The following SCAND3 variants were observed in gnomAD, a reference collection of about 807,000 sequenced individuals.
The protein encoded by SCAND3 is SCAN domain-containing protein 3.
At chr6:28,600,688 T>C in the SCAND3 span, among the ~76,000 whole-genome samples, 1 of 152,088 alleles carries the variant, frequency 6.6e-6, no homozygotes. Context: ...AGAAATAATA[T>C]ATGAACTTAC....
chr6:28,614,215 C>T, the SCAND3 span, among the ~76,000 whole-genome samples: 2 of 152,112 alleles, frequency 1.3e-5, no homozygotes, highest in Admixed American at 6.5e-5. Flanking sequence ...CCACCCGCCT[C>T]GGCCTCCCAA....
chr6:28,583,025 G>A, the SCAND3 span, among the ~76,000 whole-genome samples: 45 of 152,236 alleles, frequency 3.0e-4, no homozygotes, highest in East Asian at 6.8e-3. Flanking sequence ...TTTTACCTTA[G>A]AAAGGTGATG....
chr6:28,604,214 A>G, the SCAND3 span, among the ~76,000 whole-genome samples: 1 of 152,164 alleles, frequency 6.6e-6, no homozygotes, highest in African/African-American at 2.4e-5. Flanking sequence ...CTTGCTTCAC[A>G]TGTTCCATGT....
chr6:28,598,762 A>G, the SCAND3 span, among the ~76,000 whole-genome samples: 1 of 150,686 alleles, frequency 6.6e-6, no homozygotes, highest in Admixed American at 6.6e-5. Context: ...TTGTAATCCC[A>G]GCTACTCATG....
the SCAND3 span, among the ~76,000 whole-genome samples, chr6:28,613,996 T>C: frequency 6.6e-6 from 1 of 151,760 alleles, no homozygotes; most frequent in African/African-American, 2.4e-5. Context: ...GGAGTTTCGC[T>C]CTTGTTGCCC....
At chr6:28,612,998 T>C in the SCAND3 span, among the ~76,000 whole-genome samples, 1 of 152,208 alleles carries the variant, frequency 6.6e-6, no homozygotes, top group Non-Finnish European at 1.5e-5. Context: ...ACTTTTGTCA[T>C]ACACTGGCAA....
chr6:28,576,837 C>T, the SCAND3 span, among the ~76,000 whole-genome samples: 1 of 150,160 alleles, frequency 6.7e-6, no homozygotes, highest in Non-Finnish European at 1.5e-5. Context: ...GTCTCGATCT[C>T]CTGACCTCAT....
the SCAND3 span, among the ~76,000 whole-genome samples, chr6:28,577,393 C>A: frequency 6.6e-6 from 1 of 152,132 alleles, no homozygotes; most frequent in Non-Finnish European, 1.5e-5. Flanking sequence ...TGAGACAGAG[C>A]AGGGACCCCT....
the SCAND3 span, among the ~76,000 whole-genome samples, chr6:28,582,750 G>A: frequency 4.6e-5 from 7 of 151,672 alleles, no homozygotes; most frequent in Admixed American, 3.3e-4. The surrounding 1 kb of genome is among the most constrained non-coding windows in gnomAD (Gnocchi z 4.8). Context: ...GTGAAGCCAC[G>A]TCTCTACTAA....
At chr6:28,574,164 G>T in the SCAND3 span, among the ~76,000 whole-genome samples, 1 of 152,018 alleles carries the variant, frequency 6.6e-6, no homozygotes, top group African/African-American at 2.4e-5. Flanking sequence ...CATGTGCTTG[G>T]ATGTTGCAGT....
the SCAND3 span, among the ~76,000 whole-genome samples, chr6:28,595,300 C>T: frequency 1.9e-4 from 21 of 113,030 alleles, no homozygotes; most frequent in South Asian, 2.3e-3. Context: ...CACTGCACTT[C>T]AGCCTCGGTG....
At chr6:28,609,482 G>A in the SCAND3 span, among the ~76,000 whole-genome samples, 6 of 152,198 alleles carry the variant, frequency 3.9e-5, no homozygotes, top group African/African-American at 1.2e-4. Flanking sequence ...TAAACATATA[G>A]TTGATGAGGG....
the SCAND3 span, chr6:28,585,273 A>T: frequency 6.6e-6 from 1 of 152,212 alleles, no homozygotes; most frequent in African/African-American, 2.4e-5. Flanking sequence ...GCACACTTCT[A>T]TGGCACTTGC....
the SCAND3 span, among the ~76,000 whole-genome samples, chr6:28,600,841 T>C: frequency 1.3e-5 from 2 of 151,936 alleles, no homozygotes; most frequent in African/African-American, 2.4e-5. Context: ...TATGGTTTTG[T>C]TTGTTCGTTC....
chr6:28,596,188 A>G, the SCAND3 span, among the ~76,000 whole-genome samples: 1 of 152,230 alleles, frequency 6.6e-6, no homozygotes, highest in South Asian at 2.1e-4. Flanking sequence ...CATAGTTTAT[A>G]ATAGCAAAAG....
the SCAND3 span, among the ~76,000 whole-genome samples, chr6:28,614,503 C>T: frequency 6.6e-6 from 1 of 151,412 alleles, no homozygotes; most frequent in Non-Finnish European, 1.5e-5. Flanking sequence ...CTTGCTCCAT[C>T]ACCCAGGCTG....
the SCAND3 span, among the ~76,000 whole-genome samples, chr6:28,612,750 G>A: frequency 2.0e-5 from 3 of 152,184 alleles, no homozygotes; most frequent in African/African-American, 7.2e-5. Context: ...ACATAGTAGT[G>A]TTGAATAAAC....
At chr6:28,610,477 C>T in the SCAND3 span, among the ~76,000 whole-genome samples, 3 of 151,626 alleles carry the variant, frequency 2.0e-5, no homozygotes, top group South Asian at 2.1e-4. Flanking sequence ...GAGCCGAGAT[C>T]GCACCACTGC....
the SCAND3 span, chr6:28,587,720 CTT>C: frequency 1.3e-5 from 2 of 151,954 alleles, no homozygotes; most frequent in Non-Finnish European, 2.9e-5. Context: ...CTAAATCAGA[CTT>C]AAAAAGAAAT....
Sources: allele counts gnomAD v4.1 joint callset (sites outside exome capture counted in the v4.1 genomes callset), GRCh38; gene constraint gnomAD v4.1.1; non-coding constraint Gnocchi (gnomAD v3.1); transcripts MANE v1.5; gene names NCBI Gene and HGNC (gene_info 2026-07-23, HGNC 2026-07-21).